The following FBXW7 variants were observed in gnomAD, a reference collection of about 807,000 sequenced individuals.
The protein encoded by FBXW7 is F-box and WD repeat domain containing 7, also known as F-box/WD repeat-containing protein 7.
In FBXW7, 11 loss-of-function variants were observed where a neutral mutation model predicts 86.3. The observed-to-expected ratio is 0.13, with a 90% confidence interval of 0.08 to 0.21. The LOEUF is 0.21. FBXW7 is among the 10% of genes least tolerant of loss of function. The pLI is 1.00. For synonymous variants in FBXW7, 313 were observed against 297.9 expected, an observed-to-expected ratio of 1.05 and a Z score of -0.52; for missense variants, 488 against 847.4, an observed-to-expected ratio of 0.58 and a Z score of 5.27.
At chr4:152,329,848 G>A (rs1191014422) in intron 9 of FBXW7, 63 bp from the exon 10 acceptor site, 5 of 931,094 alleles carry the variant, frequency 5.4e-6, no homozygotes, top group Non-Finnish European at 7.7e-6. Context: ...AAATACTGGT[G>A]AAGAGAAAAA....
chr4:152,354,645 G>T (rs1233959219), intron 4 of FBXW7, among the ~76,000 whole-genome samples: 1 of 152,070 alleles, frequency 6.6e-6, no homozygotes, highest in Non-Finnish European at 1.5e-5. Flanking sequence ...TGAAGTAGGG[G>T]ATACTGTCTC....
At chr4:152,435,957 C>A (rs919716440) in intron 2 of FBXW7, among the ~76,000 whole-genome samples, 2 of 152,120 alleles carry the variant, frequency 1.3e-5, no homozygotes, top group African/African-American at 4.8e-5. Flanking sequence ...ACAAACCGCA[C>A]CCATGGAAGA....
chr4:152,507,137 A>G (rs961822882), intron 2 of FBXW7, among the ~76,000 whole-genome samples: 1 of 152,230 alleles, frequency 6.6e-6, no homozygotes, highest in African/African-American at 2.4e-5. Flanking sequence ...AATGATCAGA[A>G]AAGACCGAAA....
intron 4 of FBXW7, among the ~76,000 whole-genome samples, chr4:152,372,763 C>T (rs1734114322): frequency 6.6e-6 from 1 of 151,918 alleles, no homozygotes; most frequent in African/African-American, 2.4e-5. Context: ...AATAGCCTTG[C>T]CCTTTGATGT....
intron 4 of FBXW7, among the ~76,000 whole-genome samples, chr4:152,377,598 CAA>C (rs545737337): frequency 4.7e-5 from 6 of 128,534 alleles, no homozygotes; most frequent in Non-Finnish European, 6.9e-5. Flanking sequence ...CTAAAAATAT[CAA>C]AAAAAAAAAA....
chr4:152,533,808 G>GT (rs1200755641), intron 2 of FBXW7, among the ~76,000 whole-genome samples: 2 of 152,158 alleles, frequency 1.3e-5, no homozygotes, highest in African/African-American at 4.8e-5. Flanking sequence ...ACCAAACATT[G>GT]TTAAGTTTGA....
At chr4:152,512,983 T>C (rs1297761749) in intron 2 of FBXW7, among the ~76,000 whole-genome samples, 1 of 152,170 alleles carries the variant, frequency 6.6e-6, no homozygotes, top group Non-Finnish European at 1.5e-5. Flanking sequence ...TGCCTCGGCC[T>C]CCCAAATAGC....
At chr4:152,378,836 A>T (rs1033376553) in intron 4 of FBXW7, among the ~76,000 whole-genome samples, 1 of 151,986 alleles carries the variant, frequency 6.6e-6, no homozygotes, top group Non-Finnish European at 1.5e-5. Context: ...GTGAAACCCC[A>T]TCTCTACAAA....
chr4:152,406,789 T>A (rs147422721), intron 4 of FBXW7, among the ~76,000 whole-genome samples: 35 of 152,310 alleles, frequency 2.3e-4, no homozygotes, highest in East Asian at 1.2e-3. Flanking sequence ...ACTCTTCTAA[T>A]CCTCCTATGT....
chr4:152,501,317 G>A (rs1746929200), intron 2 of FBXW7, among the ~76,000 whole-genome samples: 2 of 152,224 alleles, frequency 1.3e-5, no homozygotes, highest in Admixed American at 1.3e-4. Flanking sequence ...ATGAACTTAT[G>A]CTTCATAGGA....
At chr4:152,351,349 G>A (rs1302139319) in intron 4 of FBXW7, among the ~76,000 whole-genome samples, 2 of 152,074 alleles carry the variant, frequency 1.3e-5, no homozygotes, top group African/African-American at 2.4e-5. Flanking sequence ...GGGGCTAGAG[G>A]TGAGGGTACA....
chr4:152,348,417 T>C (rs1731480819), intron 5 of FBXW7, among the ~76,000 whole-genome samples: 1 of 152,006 alleles, frequency 6.6e-6, no homozygotes, highest in Non-Finnish European at 1.5e-5. Flanking sequence ...GTCAAAAATA[T>C]CACAAAATAC....
chr4:152,462,796 G>A (rs750969436), intron 2 of FBXW7, among the ~76,000 whole-genome samples: 6 of 152,036 alleles, frequency 3.9e-5, no homozygotes, highest in Non-Finnish European at 7.4e-5. Flanking sequence ...CTTAAAAGAA[G>A]AATCTCGAAA....
intron 2 of FBXW7, among the ~76,000 whole-genome samples, chr4:152,456,360 TAAAAAAAAAAAAAAA>T (rs58250889): frequency 1.9e-4 from 14 of 72,122 alleles, no homozygotes; most frequent in African/African-American, 3.8e-4. Flanking sequence ...AAAAAATCCT[TAAAAAAAAAAAAAAA>T]AAAAAAAAAA....
At chr4:152,469,021 T>C (rs1050185151) in intron 2 of FBXW7, among the ~76,000 whole-genome samples, 6 of 152,104 alleles carry the variant, frequency 3.9e-5, no homozygotes, top group African/African-American at 1.4e-4. Context: ...CTGTTGAACA[T>C]TTAGGCACCT....
intron 7 of FBXW7, among the ~76,000 whole-genome samples, chr4:152,336,594 TG>T (rs1730145266): frequency 6.6e-6 from 1 of 152,090 alleles, no homozygotes. Context: ...AATGCCCTTC[TG>T]GAAGCAAAGA....
intron 2 of FBXW7, among the ~76,000 whole-genome samples, chr4:152,477,919 T>C (rs1408802731): frequency 6.6e-6 from 1 of 152,180 alleles, no homozygotes; most frequent in Non-Finnish European, 1.5e-5. Flanking sequence ...TGATACTCTT[T>C]TTCATTTATA....
intron 2 of FBXW7, among the ~76,000 whole-genome samples, chr4:152,507,360 T>A (rs1747523440): frequency 6.6e-6 from 1 of 152,256 alleles, no homozygotes; most frequent in Admixed American, 6.5e-5. Context: ...AAAAGTTTTT[T>A]AAATTGTTAT....
chr4:152,322,421 T>G lies in FBXW7; in HGVS notation c.*460A>C, dbSNP rs886610639. Reference sequence around the variant, plus strand: ...CCACTCCAGAAAAATGACTTTTTGTTGCAGATGCTCTCTAATTAGAAAGTC... The same window carrying G: ...CCACTCCAGAAAAATGACTTTTTGTGGCAGATGCTCTCTAATTAGAAAGTC... On this transcript the variant is annotated 3_prime_UTR_variant, in exon 14 of 14. Transcript: ENST00000281708. 1 of 235,456 alleles carries G rather than the reference T, an allele frequency of 4.2e-6. No homozygotes were observed. The highest frequency in any genetic ancestry group is 2.2e-5 in the African/African-American group (1 of 45,378). The allele number at this position is 235,456 out of a possible 1,614,324, so 14.6% of individuals were successfully genotyped here.
Sources: gnomAD v4.1 joint callset for allele counts (sites outside exome capture counted in the v4.1 genomes callset) on GRCh38, gnomAD v4.1.1 for gene constraint, MANE v1.5 for transcripts, NCBI Gene and HGNC (gene_info 2026-07-23, HGNC 2026-07-21) for gene names.